FREM1: variants seen among roughly 807,000 people sequenced by gnomAD.
FREM1 encodes the protein FRAS1 related extracellular matrix 1, also known as FRAS1-related extracellular matrix protein 1.
FREM1 carries 220 observed loss-of-function variants against 210.1 expected under a neutral mutation model. That is an observed-to-expected ratio of 1.05 (90% confidence interval 0.94 to 1.17). The LOEUF is 1.17. FREM1 is among the 50% of genes most tolerant of loss of function. The pLI is 0.00. For missense variants in FREM1, 3,454 were observed against 2,675.5 expected, an observed-to-expected ratio of 1.29 and a Z score of -6.42; for synonymous variants, 1,189 against 980.2, an observed-to-expected ratio of 1.21 and a Z score of -3.98.
chr9:14,765,411 C>T (rs567808149), intron 27 of FREM1, among the ~76,000 whole-genome samples: 3 of 152,200 alleles, frequency 2.0e-5, no homozygotes, highest in East Asian at 3.9e-4. Context: ...CTCTGGGCCT[C>T]GGTTTTCATT....
intron 16 of FREM1, among the ~76,000 whole-genome samples, chr9:14,809,636 A>G (rs74980230): frequency 0.031 from 4,737 of 152,332 alleles, 222 homozygotes; most frequent in African/African-American, 0.11. Flanking sequence ...ACCTATTCAT[A>G]TATCTAAAAT....
At chr9:14,825,547 G>GTGTGTGTGTGTATA in intron 10 of FREM1, among the ~76,000 whole-genome samples, 6 of 75,922 alleles carry the variant, frequency 7.9e-5, no homozygotes, top group Non-Finnish European at 7.4e-5. Flanking sequence ...GTGTGTGTGT[G>GTGTGTGTGTGTATA]TATATATATA....
chr9:14,807,348 T>C (rs1818557894), intron 17 of FREM1, among the ~76,000 whole-genome samples: 1 of 152,192 alleles, frequency 6.6e-6, no homozygotes. Flanking sequence ...TGATGCTTAA[T>C]TATTCTGCTG....
chr9:14,747,328 T>C lies in FREM1; in HGVS notation c.5945A>G (p.Lys1982Arg), dbSNP rs368187885. ...ATCTGCTTGAGGCAGTTCTGCCACT[T>C]TGATTGTCTTTTGTGGCTGACTAAT... ...SIISQPQKTI[K>R]VAELPQADKV... The change falls in exon 33 of 37, where the codon AAA becomes AGA. Residue 1982 changes from lysine (K) to arginine (R), a missense_variant. Physicochemically the swap from Lys to Arg is conservative, Grantham distance 26. Coordinates refer to ENST00000380880, the MANE Select transcript of FREM1 (RefSeq NM_001379081.2). 45 of 1,613,680 alleles carry C rather than the reference T, an allele frequency of 2.8e-5. No homozygotes were observed. The African/African-American group carries it at 5.5e-4, about 20-fold the overall frequency.
intron 17 of FREM1, among the ~76,000 whole-genome samples, chr9:14,807,101 CA>C (rs1431390235): frequency 6.6e-6 from 1 of 152,140 alleles, no homozygotes; most frequent in Non-Finnish European, 1.5e-5. Context: ...AACAGAAAGC[CA>C]GCAGAAATAC....
chr9:14,865,661 CTGTG>C (rs56960871), intron 2 of FREM1, among the ~76,000 whole-genome samples: 2,602 of 144,560 alleles, frequency 0.018, 71 homozygotes, highest in African/African-American at 0.057. Context: ...AATGTTTAGG[CTGTG>C]TGTGTGTGTG....
chr9:14,763,715 G>T (rs1424308639), intron 27 of FREM1, among the ~76,000 whole-genome samples: 1 of 152,152 alleles, frequency 6.6e-6, no homozygotes, highest in African/African-American at 2.4e-5. Context: ...CCCAAACACA[G>T]CACTTGCTGA....
intron 10 of FREM1, among the ~76,000 whole-genome samples, chr9:14,830,317 T>A (rs1281986297): frequency 6.6e-6 from 1 of 152,180 alleles, no homozygotes; most frequent in Non-Finnish European, 1.5e-5. Flanking sequence ...TTCTGATTCC[T>A]TATAAGTCTG....
Position 14,737,315 on chromosome 9 carries a change from T to C in FREM1, c.*81A>G, listed in dbSNP as rs1840567199. 4 of 1,048,684 alleles carry C rather than the reference T, an allele frequency of 3.8e-6. No homozygotes were observed. In the South Asian group the frequency reaches 5.1e-5, roughly 13 times the overall value. 65.0% of individuals were successfully genotyped at this position (1,048,684 alleles called of 1,614,324 possible). ...ATACCCACTCAATCATAACAATTTGTTTTCTATGGAGCAATATTCACAGAT... is the reference window on the plus strand; with the variant it reads ...ATACCCACTCAATCATAACAATTTGCTTTCTATGGAGCAATATTCACAGAT... On this transcript the variant is annotated 3_prime_UTR_variant, in exon 37 of 37. Transcript: ENST00000380880.
chr9:14,863,823 C>T lies in FREM1; in HGVS notation c.315G>A (p.Lys105=), dbSNP rs1831020503. 2 of 1,610,336 alleles carry T rather than the reference C, an allele frequency of 1.2e-6. No individual in the cohort carries two copies. The highest frequency in any genetic ancestry group is 1.7e-5 in the Admixed American group (1 of 59,970). Residue 105 remains lysine (K), a synonymous_variant, in exon 3 of 37, where the codon AAG becomes AAA. Transcript: ENST00000380880. ...GTGCCGCTTACCTGTAAAGTCTGAG[C>T]TTCACTGTGTCTTCATCAAGAATTG... The part of the protein sequence containing the change: ...GCPILDEDTV[K]LRLYRFTERD...
intron 24 of FREM1, among the ~76,000 whole-genome samples, chr9:14,776,681 AT>A (rs1248659845): frequency 6.6e-6 from 1 of 152,242 alleles, no homozygotes. Context: ...AATGAGTTGA[AT>A]TTAGCTAATT....
intron 5 of FREM1, among the ~76,000 whole-genome samples, chr9:14,854,090 C>T (rs1280589368): frequency 1.3e-5 from 2 of 151,998 alleles, no homozygotes; most frequent in Non-Finnish European, 2.9e-5. Flanking sequence ...TAGGAAGGAG[C>T]CAAGAGAGCT....
chr9:14,842,969 C>T (rs919474126), intron 8 of FREM1, among the ~76,000 whole-genome samples: 6 of 152,118 alleles, frequency 3.9e-5, no homozygotes, highest in Admixed American at 6.6e-5. Flanking sequence ...TAAGGAATGC[C>T]CAGACAACTG....
At chr9:14,820,996 A>G (rs1821194585) in intron 13 of FREM1, among the ~76,000 whole-genome samples, 1 of 152,194 alleles carries the variant, frequency 6.6e-6, no homozygotes, top group South Asian at 2.1e-4. Flanking sequence ...TTTTAAATAT[A>G]TATTTTAGGG....
intron 1 of FREM1, among the ~76,000 whole-genome samples, chr9:14,899,069 T>C (rs1838298624): frequency 6.6e-6 from 1 of 152,176 alleles, no homozygotes; most frequent in Admixed American, 6.5e-5. Context: ...GCTAAAGAGT[T>C]TTCTCTAGAG....
chr9:14,743,407 A>G (rs187917176), intron 35 of FREM1, among the ~76,000 whole-genome samples: 23 of 152,242 alleles, frequency 1.5e-4, no homozygotes, highest in African/African-American at 5.0e-4. Flanking sequence ...CGACAATGTT[A>G]TAAGTTGCTA....
chr9:14,746,662 C>A (rs1016139230), intron 34 of FREM1, among the ~76,000 whole-genome samples, 194 bp from the exon 35 acceptor site: 1 of 152,190 alleles, frequency 6.6e-6, no homozygotes, highest in Non-Finnish European at 1.5e-5. Context: ...CAGTCAGCAA[C>A]GTTTCATTGT....
chr9:14,900,427 A>G (rs1351393401), intron 1 of FREM1, among the ~76,000 whole-genome samples: 2 of 152,232 alleles, frequency 1.3e-5, no homozygotes, highest in Admixed American at 1.3e-4. Context: ...GACTGAAGTT[A>G]GGATCTTTGG....
intron 24 of FREM1, among the ~76,000 whole-genome samples, chr9:14,776,798 G>A (rs1848667113): frequency 6.6e-6 from 1 of 152,104 alleles, no homozygotes; most frequent in Non-Finnish European, 1.5e-5. Context: ...TCATTTCCAT[G>A]GCTCTGAAAA....
Sources: gnomAD v4.1 joint callset for allele counts (sites outside exome capture counted in the v4.1 genomes callset) on GRCh38, gnomAD v4.1.1 for gene constraint, MANE v1.5 for transcripts, NCBI Gene and HGNC (gene_info 2026-07-23, HGNC 2026-07-21) for gene names.